The following IL1RAPL1 variants were observed in gnomAD, a reference collection of about 807,000 sequenced individuals.
The protein encoded by IL1RAPL1 is interleukin-1 receptor accessory protein-like 1.
Under a neutral mutation model 48.4 loss-of-function variants are expected in IL1RAPL1, and 3 were observed. That is an observed-to-expected ratio of 0.06 (90% CI 0.03 to 0.16). IL1RAPL1 has a LOEUF of 0.16. Among genes scored for constraint, IL1RAPL1 ranks in the 10% least tolerant of loss-of-function variants. The probability of loss-of-function intolerance (pLI) is 1.00; values close to 1 mark genes in which losing one functional copy is unlikely to be tolerated. For synonymous variants in IL1RAPL1, 185 were observed against 187.7 expected (o/e 0.99, Z 0.12); for missense variants, 349 against 530.6 (o/e 0.66, Z 3.36).
chrX:28,908,072 A>G (rs1427470628), intron 2 of IL1RAPL1, among the ~76,000 whole-genome samples: 2 of 111,013 alleles, frequency 1.8e-5, no homozygotes, highest in Non-Finnish European at 3.8e-5. Context: ...TCAATATTTT[A>G]CTTTTGATAT....
At chrX:29,692,709 C>G (rs1926805757) in intron 6 of IL1RAPL1, among the ~76,000 whole-genome samples, 1 of 111,271 alleles carries the variant, frequency 9.0e-6, no homozygotes, top group African/African-American at 3.3e-5. Context: ...TTATTTTTCC[C>G]AAGTTCCTAT....
At chrX:28,980,116 T>A (rs1413248553) in intron 2 of IL1RAPL1, among the ~76,000 whole-genome samples, 1 of 112,386 alleles carries the variant, frequency 8.9e-6, no homozygotes, top group Non-Finnish European at 1.9e-5. Context: ...AACATGCAAA[T>A]CATCTTGACT....
At chrX:29,284,847 A>G (rs1287165261) in intron 3 of IL1RAPL1, among the ~76,000 whole-genome samples, 1 of 112,500 alleles carries the variant, frequency 8.9e-6, no homozygotes, top group Non-Finnish European at 1.9e-5. Flanking sequence ...AACTCTTAAT[A>G]AAAGTAGAGG....
chrX:29,389,305 G>A (rs1355712804), intron 3 of IL1RAPL1, among the ~76,000 whole-genome samples: 5 of 100,752 alleles, frequency 5.0e-5, no homozygotes, highest in African/African-American at 1.9e-4. Context: ...GCAGTGAGCC[G>A]AGATTGCGCC....
At chrX:29,333,830 G>A (rs1932927194) in intron 3 of IL1RAPL1, among the ~76,000 whole-genome samples, 1 of 89,429 alleles carries the variant, frequency 1.1e-5, no homozygotes, top group Non-Finnish European at 2.3e-5. Flanking sequence ...CGGACGGGGC[G>A]GCTGGCCGGG....
At chrX:28,917,879 A>G (rs774538627) in intron 2 of IL1RAPL1, among the ~76,000 whole-genome samples, 1 of 112,077 alleles carries the variant, frequency 8.9e-6, no homozygotes, top group African/African-American at 3.2e-5. Context: ...CTGAGCTACT[A>G]TTTTTTAAGA....
intron 2 of IL1RAPL1, among the ~76,000 whole-genome samples, chrX:29,240,195 CATATATATAT>C (rs1224933369): frequency 0.021 from 562 of 27,149 alleles, 31 homozygotes; most frequent in East Asian, 0.063. Context: ...CACACACACA[CATATATATAT>C]ATATATATAT....
intron 3 of IL1RAPL1, among the ~76,000 whole-genome samples, chrX:29,315,276 T>A (rs1294575044): frequency 8.9e-6 from 1 of 111,803 alleles, no homozygotes; most frequent in African/African-American, 3.2e-5. Context: ...ATGATAAGAA[T>A]ATTCGGTGTT....
At chrX:29,089,542 C>T (rs1928032673) in intron 2 of IL1RAPL1, among the ~76,000 whole-genome samples, 1 of 101,964 alleles carries the variant, frequency 9.8e-6, no homozygotes, top group African/African-American at 3.7e-5. Flanking sequence ...TGTCTTTTTT[C>T]AGCATGTTTT....
chrX:29,211,094 TGA>T (rs1245776679), intron 2 of IL1RAPL1, among the ~76,000 whole-genome samples: 3 of 89,866 alleles, frequency 3.3e-5, no homozygotes, highest in Non-Finnish European at 2.3e-5. Flanking sequence ...ACACACAGAG[TGA>T]GAGAGAGAGA....
intron 1 of IL1RAPL1, among the ~76,000 whole-genome samples, chrX:28,739,417 A>G (rs1318062868): frequency 8.9e-6 from 1 of 111,886 alleles, no homozygotes; most frequent in Non-Finnish European, 1.9e-5. Flanking sequence ...TACCAACAAT[A>G]AAAGCTAACA....
intron 2 of IL1RAPL1, among the ~76,000 whole-genome samples, chrX:29,177,755 C>G (rs1480731011): frequency 9.0e-6 from 1 of 110,986 alleles, no homozygotes; most frequent in African/African-American, 3.3e-5. Context: ...GCCCCCGACC[C>G]CATGACAGGC....
At chrX:29,936,352 TG>T (rs1352700431) in intron 8 of IL1RAPL1, among the ~76,000 whole-genome samples, 1 of 110,822 alleles carries the variant, frequency 9.0e-6, no homozygotes, top group Non-Finnish European at 1.9e-5. Flanking sequence ...TTATAATGTC[TG>T]TCATGCATTT....
chrX:29,947,924 C>A (rs374742516), intron 9 of IL1RAPL1, among the ~76,000 whole-genome samples: 1 of 110,137 alleles, frequency 9.1e-6, no homozygotes, highest in Admixed American at 9.7e-5. Flanking sequence ...TGGTAGGAAC[C>A]GAGGCTTCTT....
At chrX:29,838,727 T>G (rs769235267) in intron 6 of IL1RAPL1, among the ~76,000 whole-genome samples, 1 of 112,227 alleles carries the variant, frequency 8.9e-6, no homozygotes, top group Non-Finnish European at 1.9e-5. Flanking sequence ...AGTTAGCTCA[T>G]ACCAGATAAC....
intron 6 of IL1RAPL1, among the ~76,000 whole-genome samples, chrX:29,668,982 T>G (rs1180701766): frequency 8.9e-6 from 1 of 111,847 alleles, no homozygotes; most frequent in Non-Finnish European, 1.9e-5. Flanking sequence ...TTTTGGATAA[T>G]CTATTAATAA....
rs921768607 is a variant in IL1RAPL1, at chrX:29,477,929, A to C, written c.703+78621A>C. On this transcript the variant is annotated intron_variant, in intron 5 of 10. Transcript: ENST00000378993. ...AATACATAAAGACTTGCAGCAAACC[A>C]AAAGAACAAACCACAAGTAATTCAC... 4.4e-5 allele frequency among the ~76,000 whole-genome samples: 5 copies of C among 112,442 alleles called. No individual in the cohort carries two copies. In the Admixed American group the frequency reaches 4.7e-4, roughly 11 times the overall value.
chrX:29,498,812 A>G (rs1458885338), intron 5 of IL1RAPL1, among the ~76,000 whole-genome samples: 1 of 111,392 alleles, frequency 9.0e-6, no homozygotes, highest in Non-Finnish European at 1.9e-5. Flanking sequence ...TATAAGTTTC[A>G]CTCTGCATAT....
chrX:28,992,144 A>C (rs1480325459), intron 2 of IL1RAPL1, among the ~76,000 whole-genome samples: 1 of 112,044 alleles, frequency 8.9e-6, no homozygotes, highest in Non-Finnish European at 1.9e-5. Context: ...TCAATTCAAT[A>C]ATTTCCCCGT....
Sources: allele counts gnomAD v4.1 joint callset (sites outside exome capture counted in the v4.1 genomes callset), GRCh38; gene constraint gnomAD v4.1.1; transcripts MANE v1.5; gene names NCBI Gene and HGNC (gene_info 2026-07-23, HGNC 2026-07-21).